The following STK35 variants were observed in gnomAD, a reference collection of about 807,000 sequenced individuals.
STK35 encodes serine/threonine-protein kinase 35.
In STK35, 17 loss-of-function variants were observed where a neutral mutation model predicts 37.3. The observed-to-expected ratio is 0.46, with a 90% CI of 0.31 to 0.68. The LOEUF (loss-of-function observed/expected upper bound fraction) is 0.68, where lower values mean the gene tolerates loss of function less well. STK35 is among the 30% of genes least tolerant of loss of function. The pLI is 0.05. For missense variants in STK35, 595 were observed against 746.7 expected (o/e 0.80, Z 2.37); for synonymous variants, 385 against 319.1 (o/e 1.21, Z -2.20).
intron 3 of STK35, among the ~76,000 whole-genome samples, chr20:2,129,808 A>G (rs1406701386): frequency 6.6e-6 from 1 of 152,014 alleles, no homozygotes. Flanking sequence ...GGCCTCTGCC[A>G]AGCAGAGGAG....
chr20:2,141,507 C>G (rs146356699), intron 3 of STK35, among the ~76,000 whole-genome samples: 1 of 152,228 alleles, frequency 6.6e-6, no homozygotes, highest in Non-Finnish European at 1.5e-5. Flanking sequence ...AGAGTCCAGA[C>G]AAGACCCCAC....
chr20:2,112,430 A>G (rs1985636809), intron 2 of STK35, among the ~76,000 whole-genome samples: 1 of 152,148 alleles, frequency 6.6e-6, no homozygotes, highest in Non-Finnish European at 1.5e-5. Context: ...AATTTATATT[A>G]TGGTCACCTG....
At chr20:2,136,294 G>GT (rs1259853145) in intron 3 of STK35, among the ~76,000 whole-genome samples, 1 of 152,208 alleles carries the variant, frequency 6.6e-6, no homozygotes, top group Admixed American at 6.5e-5. Flanking sequence ...CCCTGGTTGT[G>GT]TAACTGATAG....
At chr20:2,123,534 T>C (rs367719699) in intron 3 of STK35, among the ~76,000 whole-genome samples, 10 of 152,282 alleles carry the variant, frequency 6.6e-5, no homozygotes, top group African/African-American at 2.4e-4. Context: ...ATATTGCCTG[T>C]TGAAGCCATA....
At chr20:2,138,250 T>A (rs950065348) in intron 3 of STK35, among the ~76,000 whole-genome samples, 1 of 152,208 alleles carries the variant, frequency 6.6e-6, no homozygotes, top group Non-Finnish European at 1.5e-5. Flanking sequence ...TTCTTTTCTA[T>A]TAACTAAATC....
At position 2,103,115 on chromosome 20, in the gene STK35, CGTGGTTTATGAGGCA is replaced by C. The variant is rs1206661570; in HGVS notation, c.647_661del (p.Val216_Val220del). ...CGGAGATCGGGCGCGGCAGCTACGG[CGTGGTTTATGAGGCA>C]GTGGCCGGGCGCAGCGGGGCCCGGG... On this transcript the variant is annotated inframe_deletion, in exon 2 of 4. Transcript: ENST00000381482. 1 of 1,602,382 alleles carries C rather than the reference CGTGGTTTATGAGGCA, an allele frequency of 6.2e-7. No individual in the cohort carries two copies. Among genetic ancestry groups the C allele is most frequent in the Non-Finnish European group, 8.5e-7 (1 of 1,178,976 alleles).
Position 2,107,744 on chromosome 20 carries a change from G to A in STK35, c.892+4379G>A, listed in dbSNP as rs148737307. On this transcript the variant is annotated intron_variant, in intron 2 of 3. Coordinates refer to ENST00000381482, the MANE Select transcript of STK35 (RefSeq NM_080836.4). ...GAGTGCCTAGGGAACCTTCAGAGCA[G>A]AGCAAGGCCGTTCCCTCCCCAGCCC... Among the ~76,000 whole-genome samples the A allele has an allele frequency of 4.5e-3, 678 of 152,268 alleles. 2 individuals are homozygous for A. The highest frequency in any genetic ancestry group is 5.5e-3 in the Non-Finnish European group (371 of 68,012).
chr20:2,141,117 A>G (rs1986165591), intron 3 of STK35, among the ~76,000 whole-genome samples: 1 of 152,198 alleles, frequency 6.6e-6, no homozygotes, highest in South Asian at 2.1e-4. Context: ...GGCCTACCCT[A>G]AATACCCTCT....
Position 2,103,039 on chromosome 20 carries a change from G to A in STK35, c.566G>A (p.Arg189Gln). ...EAPGEAFLAR[R>Q]RPEGGGGSAR... ...CCGGGCGAGGCCTTCCTGGCGCGGC[G>A]ACGGCCTGAGGGCGGTGGCGGGTCC... Residue 189 changes from arginine to glutamine, a missense_variant, in exon 2 of 4, where the codon CGA becomes CAA. By Grantham distance (43) the Arg-to-Gln change is conservative. Transcript: ENST00000381482. 6.7e-7 allele frequency: 1 copy of A among 1,492,326 alleles called. No homozygotes were observed. Among genetic ancestry groups the A allele is most frequent in the Non-Finnish European group, 8.8e-7 (1 of 1,133,310 alleles). The allele number at this position is 1,492,326 out of a possible 1,614,324, so 92.4% of individuals were successfully genotyped here. A position where few individuals can be genotyped will look rare whatever the true frequency, so the allele number is the denominator to read the frequency against.
intron 3 of STK35, among the ~76,000 whole-genome samples, chr20:2,131,541 A>G (rs1411072975): frequency 6.6e-6 from 1 of 152,154 alleles, no homozygotes; most frequent in Non-Finnish European, 1.5e-5. Context: ...TTGCAGGACT[A>G]GAAGTTGCTC....
intron 2 of STK35, among the ~76,000 whole-genome samples, chr20:2,114,008 A>G (rs767876840): frequency 1.6e-4 from 25 of 152,084 alleles, no homozygotes; most frequent in Non-Finnish European, 3.2e-4. Context: ...TCTGAACCCA[A>G]ACTCTTTGTT....
chr20:2,113,479 T>C (rs746911415), intron 2 of STK35, among the ~76,000 whole-genome samples: 1 of 152,100 alleles, frequency 6.6e-6, no homozygotes, highest in African/African-American at 2.4e-5. Context: ...CCTGCAGAGA[T>C]TGTGGGGGCA....
Position 2,116,784 on chromosome 20 carries a change from C to T in STK35, c.1011C>T (p.Asn337=). The change falls in exon 3 of 4, where the codon AAC becomes AAT. Residue 337 remains asparagine, a synonymous_variant. Transcript: ENST00000381482. Reference sequence around the variant, plus strand: ...CCCGGAGGCCAGACCCAGCCACCAACAAAAGTTTCATGCTACAGCTGACGA... The same window carrying T: ...CCCGGAGGCCAGACCCAGCCACCAATAAAAGTTTCATGCTACAGCTGACGA... ...VLSRRPDPAT[N]KSFMLQLTSA... 1 of 1,614,160 alleles carries T rather than the reference C, an allele frequency of 6.2e-7. No individual in the cohort carries two copies.
intron 2 of STK35, among the ~76,000 whole-genome samples, chr20:2,115,997 T>C (rs1275792026): frequency 1.3e-5 from 2 of 152,036 alleles, no homozygotes; most frequent in African/African-American, 4.8e-5. Context: ...TTGAGCCTGA[T>C]GGCGATGTAC....
chr20:2,103,584 CAA>C (rs1985452880), intron 2 of STK35, among the ~76,000 whole-genome samples: 1 of 152,208 alleles, frequency 6.6e-6, no homozygotes, highest in Admixed American at 6.5e-5. Flanking sequence ...GTTTCCATAA[CAA>C]GAGCTCGTTT....
Position 2,117,435 on chromosome 20 carries a change from G to GT in STK35, c.*37+26dup, listed in dbSNP as rs1985736067. ...AACTAGGTGAGTGCTCTCTGTTGTT[G>GT]TTTTTTGTTTTTTGTTTTGAGACAG... On this transcript the variant is annotated intron_variant, in intron 3 of 3. Coordinates refer to ENST00000381482, the MANE Select transcript of STK35 (RefSeq NM_080836.4). This position sits in a 1 kb window ranked among gnomAD's most constrained non-coding sequence, Gnocchi z 4.4. 7.3e-7 allele frequency: 1 copy of GT among 1,371,382 alleles called. No homozygotes were observed. Among genetic ancestry groups the GT allele is most frequent in the African/African-American group, 1.5e-5 (1 of 68,946 alleles). 85.0% of individuals were successfully genotyped at this position (1,371,382 alleles called of 1,614,324 possible).
chr20:2,137,232 G>A (rs935731510), intron 3 of STK35, among the ~76,000 whole-genome samples: 1 of 152,200 alleles, frequency 6.6e-6, no homozygotes, highest in African/African-American at 2.4e-5. Context: ...TTTGTACCCG[G>A]CAAAGTAGAC....
In STK35 at chr20:2,101,924, G is replaced by A; in HGVS notation, c.43G>A (p.Gly15Ser). The A allele has an allele frequency of 1.4e-6, 2 of 1,472,324 alleles. No individual in the cohort carries two copies. The highest frequency in any genetic ancestry group is 1.8e-6 in the Non-Finnish European group (2 of 1,108,624). 91.2% of individuals were successfully genotyped at this position (1,472,324 alleles called of 1,614,324 possible). A position where few individuals can be genotyped will look rare whatever the true frequency, so the allele number is the denominator to read the frequency against. ...TCCGCTGGCCCGGGCGCCGGCGGGA[G>A]GTGCAGCTTATGTAAAGAGGTTATG... ...ESPLARAPAGGAAYVKRLCKG... is the reference protein window; with the variant it reads ...ESPLARAPAGSAAYVKRLCKG... Residue 15 changes from glycine to serine, a missense_variant, in exon 1 of 4, where the codon GGT (glycine) becomes AGT (serine). By Grantham distance (56) the Gly-to-Ser change is moderately conservative (BLOSUM62 0). Around this residue, in one of 3 missense-constraint regions of STK35, gnomAD observed 389 missense variants for 320.0 expected, o/e 1.22. Transcript: ENST00000381482.
At chr20:2,106,280 T>C (rs946999883) in intron 2 of STK35, among the ~76,000 whole-genome samples, 2 of 152,140 alleles carry the variant, frequency 1.3e-5, no homozygotes, top group Non-Finnish European at 2.9e-5. Context: ...CTGGTTCAGC[T>C]CTCTCATTAA....
Sources: gnomAD v4.1 joint callset for allele counts (sites outside exome capture counted in the v4.1 genomes callset) on GRCh38, gnomAD v4.1.1 for gene constraint, gnomAD v4.1.1 regional missense constraint, Gnocchi (gnomAD v3.1) non-coding constraint, MANE v1.5 for transcripts, NCBI Gene and HGNC (gene_info 2026-07-23, HGNC 2026-07-21) for gene names.